The following MALT1 variants were observed in gnomAD, a reference collection of about 807,000 sequenced individuals.
The protein encoded by MALT1 is mucosa-associated lymphoid tissue lymphoma translocation protein 1.
A neutral mutation model predicts 85.5 loss-of-function variants in MALT1; 36 were observed. The ratio of observed to expected loss-of-function variants is 0.42; its 90% CI spans 0.32 to 0.56. The LOEUF (loss-of-function observed/expected upper bound fraction) is 0.56, where lower values mean the gene tolerates loss of function less well. Among genes scored for constraint, MALT1 ranks in the 20% least tolerant of loss-of-function variants. MALT1 has a pLI of 0.10. For synonymous variants in MALT1, 359 were observed against 361.3 expected (o/e 0.99, Z 0.07); for missense variants, 716 against 981.6 (o/e 0.73, Z 3.62).
rs1157182631 is a variant in MALT1, at chr18:58,696,462, A to G, written c.473A>G (p.Tyr158Cys). The G allele has an allele frequency of 1.3e-6, 2 of 1,590,608 alleles. No homozygotes were observed. The highest frequency in any genetic ancestry group is 1.7e-4 in the Middle Eastern group (1 of 5,982). The change falls in exon 3 of 17, where the codon TAT becomes TGT. Residue 158 changes from tyrosine to cysteine, a missense_variant. By Grantham distance (194) the Tyr-to-Cys change is radical. Transcript: ENST00000649217. Reference protein sequence around the residue: ...CRATGHPFVQYQWFKMNKEIP... With the variant: ...CRATGHPFVQCQWFKMNKEIP... ...GCAACTGGACATCCTTTTGTTCAATATCAGTGGTTCAAAATGAATAAAGAG... is the reference window on the plus strand; with the variant it reads ...GCAACTGGACATCCTTTTGTTCAATGTCAGTGGTTCAAAATGAATAAAGAG...
At position 58,700,583 on chromosome 18, in the gene MALT1, G is replaced by A; in HGVS notation, c.641G>A (p.Ser214Asn). 8 of 1,595,440 alleles carry A rather than the reference G, an allele frequency of 5.0e-6. No individual in the cohort carries two copies. Among genetic ancestry groups the A allele is most frequent in the Non-Finnish European group, 6.8e-6 (8 of 1,174,818 alleles). ...SQLDVCDIPESFQRSVDGVSE... is the reference protein window; with the variant it reads ...SQLDVCDIPENFQRSVDGVSE... ...CTGGATGTTTGCGACATCCCAGAGA[G>A]CTTCCAGAGTAAGTAACGAAAGAAG... Residue 214 changes from serine to asparagine, a missense_variant, in exon 4 of 17, where the codon AGC (serine) becomes AAC (asparagine). Around this residue, in one of 4 missense-constraint regions of MALT1, gnomAD observed 290 missense variants for 380.5 expected, o/e 0.76. Transcript: ENST00000649217.
At chr18:58,695,293 A>AT (rs1416795666) in intron 2 of MALT1, among the ~76,000 whole-genome samples, 1 of 152,226 alleles carries the variant, frequency 6.6e-6, no homozygotes, top group East Asian at 1.9e-4. Flanking sequence ...GGCTACCTGA[A>AT]TGGCCTCCTG....
chr18:58,695,934 CT>C (rs1236218384), intron 2 of MALT1, among the ~76,000 whole-genome samples: 1 of 152,220 alleles, frequency 6.6e-6, no homozygotes, highest in Non-Finnish European at 1.5e-5. Context: ...GTGCACGTAA[CT>C]TGACTGAAGT....
chr18:58,746,863 G>A (rs1019496915), intron 16 of MALT1, among the ~76,000 whole-genome samples: 1 of 151,996 alleles, frequency 6.6e-6, no homozygotes, highest in Non-Finnish European at 1.5e-5. Context: ...GAGTAGCCAG[G>A]ACTACAGGCG....
chr18:58,673,309 T>C (rs925500831), intron 1 of MALT1, among the ~76,000 whole-genome samples: 1 of 152,252 alleles, frequency 6.6e-6, no homozygotes, highest in Non-Finnish European at 1.5e-5. Flanking sequence ...TGGGGACCTT[T>C]ACAATAACAT....
intron 16 of MALT1, among the ~76,000 whole-genome samples, chr18:58,747,062 C>G (rs1276363186): frequency 1.3e-5 from 2 of 152,164 alleles, no homozygotes; most frequent in African/African-American, 4.8e-5. Flanking sequence ...AATACCCCAT[C>G]TCTAATAATA....
At chr18:58,743,953 C>T (rs892907523) in intron 14 of MALT1, among the ~76,000 whole-genome samples, 1 of 151,656 alleles carries the variant, frequency 6.6e-6, no homozygotes, top group Non-Finnish European at 1.5e-5. Flanking sequence ...CAATAAAACC[C>T]AGAGGTATTA....
At chr18:58,720,548 C>T (rs570177126) in intron 9 of MALT1, among the ~76,000 whole-genome samples, 31 of 152,154 alleles carry the variant, frequency 2.0e-4, no homozygotes, top group Middle Eastern at 3.2e-3. Flanking sequence ...AGACAATTAT[C>T]GATACATATG....
At chr18:58,734,829 A>C (rs960013913) in intron 12 of MALT1, among the ~76,000 whole-genome samples, 1 of 152,258 alleles carries the variant, frequency 6.6e-6, no homozygotes, top group African/African-American at 2.4e-5. Flanking sequence ...TGGTGTATAC[A>C]GAAGTCCCAT....
At chr18:58,709,048 A>G (rs1478624073) in intron 4 of MALT1, among the ~76,000 whole-genome samples, 4 of 152,238 alleles carry the variant, frequency 2.6e-5, no homozygotes, top group Non-Finnish European at 5.9e-5. Flanking sequence ...GATCAAAAAG[A>G]TTCTGCAGCC....
intron 2 of MALT1, among the ~76,000 whole-genome samples, chr18:58,688,168 A>G (rs1446549559): frequency 6.6e-6 from 1 of 152,112 alleles, no homozygotes; most frequent in Non-Finnish European, 1.5e-5. Context: ...TGTGGGAGGA[A>G]GGAAATTTGT....
intron 1 of MALT1, among the ~76,000 whole-genome samples, chr18:58,677,148 A>G (rs569983693): frequency 2.8e-4 from 43 of 152,124 alleles, no homozygotes; most frequent in Admixed American, 5.9e-4. Flanking sequence ...ATGTATAAGC[A>G]TCATCTTAGC....
intron 11 of MALT1, 127 bp from the exon 12 acceptor site, chr18:58,734,180 T>G: frequency 9.3e-7 from 1 of 1,071,176 alleles, no homozygotes; most frequent in Non-Finnish European, 1.3e-6. Flanking sequence ...GATGAAAAAT[T>G]TTGAATCTAT....
rs1419116251 is a variant in MALT1, at chr18:58,748,622, G to A, written c.*780G>A. 1 of 190,378 alleles carries A rather than the reference G, an allele frequency of 5.3e-6. No individual in the cohort carries two copies. Among genetic ancestry groups the A allele is most frequent in the Non-Finnish European group, 1.1e-5 (1 of 90,470 alleles). 11.8% of individuals were successfully genotyped at this position (190,378 alleles called of 1,614,324 possible). A position where few individuals can be genotyped will look rare whatever the true frequency, so the allele number is the denominator to read the frequency against. Reference sequence around the variant, plus strand: ...CAAGATATAATGGATAATTTTCATAGCTGCCTATCAGAATTTCCCAAATAT... The same window carrying A: ...CAAGATATAATGGATAATTTTCATAACTGCCTATCAGAATTTCCCAAATAT... On this transcript the variant is annotated 3_prime_UTR_variant, in exon 17 of 17. Transcript: ENST00000649217.
intron 13 of MALT1, among the ~76,000 whole-genome samples, chr18:58,736,353 C>A (rs1350421235): frequency 6.6e-6 from 1 of 151,938 alleles, no homozygotes; most frequent in African/African-American, 2.4e-5. Flanking sequence ...TGCCACCCTC[C>A]CGCTTCATCC....
Position 58,748,897 on chromosome 18 carries a change from G to C in MALT1, c.*1055G>C, listed in dbSNP as rs1033148464. On this transcript the variant is annotated 3_prime_UTR_variant, in exon 17 of 17. Transcript: ENST00000649217. ...GCACACTGTTTCTAAAAGTAGGAGA[G>C]GAAAGAACACTTCCCAACTTACTCT... 2 of 208,136 alleles carry C rather than the reference G, an allele frequency of 9.6e-6. No individual in the cohort carries two copies. The highest frequency in any genetic ancestry group is 4.6e-5 in the African/African-American group (2 of 43,890). 12.9% of individuals were successfully genotyped at this position (208,136 alleles called of 1,614,324 possible).
chr18:58,684,899 G>A (rs938766117), intron 2 of MALT1, among the ~76,000 whole-genome samples: 4 of 152,092 alleles, frequency 2.6e-5, no homozygotes, highest in Admixed American at 1.3e-4. Flanking sequence ...GGTTTGCCTC[G>A]TGTATTCAAT....
At chr18:58,703,850 AC>A (rs1255823555) in intron 4 of MALT1, among the ~76,000 whole-genome samples, 2 of 152,248 alleles carry the variant, frequency 1.3e-5, no homozygotes, top group African/African-American at 4.8e-5. Context: ...ATGTACAGAT[AC>A]GTGTACAGTC....
chr18:58,704,191 C>A (rs938341625), intron 4 of MALT1, among the ~76,000 whole-genome samples: 1 of 152,204 alleles, frequency 6.6e-6, no homozygotes, highest in Non-Finnish European at 1.5e-5. Context: ...TGGATAGTTA[C>A]ATAGAAGTGG....
Sources: gnomAD v4.1 joint callset for allele counts (sites outside exome capture counted in the v4.1 genomes callset) on GRCh38, gnomAD v4.1.1 for gene constraint, gnomAD v4.1.1 regional missense constraint, MANE v1.5 for transcripts, NCBI Gene and HGNC (gene_info 2026-07-23, HGNC 2026-07-21) for gene names.